ZNF385D: variants seen among roughly 807,000 people sequenced by gnomAD.
The protein encoded by ZNF385D is zinc finger protein 385D.
A neutral mutation model predicts 35.8 loss-of-function variants in ZNF385D; 15 were observed. The observed-to-expected ratio is 0.42, with a 90% CI of 0.28 to 0.64. ZNF385D has a LOEUF of 0.64. Among genes scored for constraint, ZNF385D ranks in the 30% least tolerant of loss-of-function variants. The pLI is 0.23. For missense variants in ZNF385D, 474 were observed against 494.6 expected, an observed-to-expected ratio of 0.96 and a Z score of 0.39; for synonymous variants, 212 against 186.8, an observed-to-expected ratio of 1.13 and a Z score of -1.10.
chr3:22,141,594 C>T (rs1480099497), intron 3 of ZNF385D, among the ~76,000 whole-genome samples: 1 of 152,096 alleles, frequency 6.6e-6, no homozygotes, highest in East Asian at 1.9e-4. Flanking sequence ...GTGGGACCCG[C>T]GGTAGTTCAC....
intron 3 of ZNF385D, among the ~76,000 whole-genome samples, chr3:21,907,014 C>G (rs988395799): frequency 6.6e-6 from 1 of 152,110 alleles, no homozygotes; most frequent in East Asian, 1.9e-4. Context: ...TGCATCTACC[C>G]AGGATCCATG....
chr3:21,793,924 ATC>A (rs2072034496), intron 3 of ZNF385D, among the ~76,000 whole-genome samples: 1 of 152,186 alleles, frequency 6.6e-6, no homozygotes, highest in Non-Finnish European at 1.5e-5. Context: ...GATGAACAGT[ATC>A]TATTTTTCTG....
At chr3:21,599,257 C>T (rs552413273) in intron 2 of ZNF385D, among the ~76,000 whole-genome samples, 2 of 152,196 alleles carry the variant, frequency 1.3e-5, no homozygotes, top group South Asian at 4.2e-4. Context: ...AAAAGGATTC[C>T]AGAAAGATCT....
Position 21,418,102 on chromosome 3 carries a change from C to T in ZNF385D, c.*3112G>A, listed in dbSNP as rs922926472. ...TTGTCTGGACGATCTGATTGAGGTG[C>T]AACAATGCTTTTTCCAGAGGCATTT... is the stretch of plus-strand genomic sequence containing the variant. On this transcript the variant is annotated 3_prime_UTR_variant, in exon 8 of 8. Transcript: ENST00000281523. 6.6e-6 allele frequency: 1 copy of T among 152,102 alleles called. No homozygotes were observed. The highest frequency in any genetic ancestry group is 1.5e-5 in the Non-Finnish European group (1 of 67,998). The allele number at this position is 152,102 out of a possible 1,614,324, so 9.4% of individuals were successfully genotyped here.
intron 3 of ZNF385D, among the ~76,000 whole-genome samples, chr3:21,880,003 A>T (rs1020844456): frequency 6.6e-6 from 1 of 151,956 alleles, no homozygotes; most frequent in Non-Finnish European, 1.5e-5. Context: ...TGGCATCATT[A>T]AAGCTAATAA....
At chr3:21,845,853 A>G (rs1219667446) in intron 3 of ZNF385D, among the ~76,000 whole-genome samples, 1 of 152,042 alleles carries the variant, frequency 6.6e-6, no homozygotes, top group African/African-American at 2.4e-5. Context: ...TTAAGAAAAT[A>G]CGCCTGAATA....
At chr3:22,260,034 T>C (rs991356875) in intron 2 of ZNF385D, among the ~76,000 whole-genome samples, 1 of 151,924 alleles carries the variant, frequency 6.6e-6, no homozygotes, top group Non-Finnish European at 1.5e-5. Flanking sequence ...AATATGCATA[T>C]AGTATACTAA....
At chr3:22,264,174 A>T (rs1700777160) in intron 2 of ZNF385D, among the ~76,000 whole-genome samples, 1 of 151,958 alleles carries the variant, frequency 6.6e-6, no homozygotes, top group Non-Finnish European at 1.5e-5. Flanking sequence ...ATCAATTTGG[A>T]CTAGGTCTTG....
At chr3:22,042,310 G>T (rs1354362075) in intron 3 of ZNF385D, among the ~76,000 whole-genome samples, 2 of 151,994 alleles carry the variant, frequency 1.3e-5, no homozygotes, top group Non-Finnish European at 2.9e-5. Flanking sequence ...AAGGAACTTA[G>T]ATTAGTGTAT....
chr3:21,720,869 T>A (rs1166048835), intron 1 of ZNF385D, among the ~76,000 whole-genome samples: 1 of 152,160 alleles, frequency 6.6e-6, no homozygotes. Context: ...TCAGAATGAT[T>A]TCCATATGGT....
At chr3:21,839,278 A>C in intron 3 of ZNF385D, among the ~76,000 whole-genome samples, 1 of 152,058 alleles carries the variant, frequency 6.6e-6, no homozygotes, top group Non-Finnish European at 1.5e-5. Flanking sequence ...CACATTTTAA[A>C]ATCTCATATT....
intron 3 of ZNF385D, among the ~76,000 whole-genome samples, chr3:22,167,985 G>C (rs1226042679): frequency 6.6e-6 from 1 of 151,834 alleles, no homozygotes; most frequent in African/African-American, 2.4e-5. Flanking sequence ...CTCATCATTT[G>C]GCCACCTTGA....
intron 3 of ZNF385D, among the ~76,000 whole-genome samples, chr3:22,050,696 A>C (rs1259780816): frequency 6.6e-6 from 1 of 152,198 alleles, no homozygotes; most frequent in Non-Finnish European, 1.5e-5. Context: ...GTTTTTAATG[A>C]GTTAATTTCT....
intron 3 of ZNF385D, among the ~76,000 whole-genome samples, chr3:22,035,514 T>G (rs1386160843): frequency 6.6e-6 from 1 of 152,142 alleles, no homozygotes; most frequent in African/African-American, 2.4e-5. Context: ...TAAAATTAGT[T>G]TTAAAATTGG....
At chr3:21,778,831 T>C (rs1196408097) in intron 3 of ZNF385D, among the ~76,000 whole-genome samples, 1 of 151,882 alleles carries the variant, frequency 6.6e-6, no homozygotes. Flanking sequence ...AGGAAAAATA[T>C]TGTGATGAAA....
chr3:21,696,413 A>G (rs6775498), intron 1 of ZNF385D, among the ~76,000 whole-genome samples: 38 of 152,162 alleles, frequency 2.5e-4, no homozygotes, highest in Middle Eastern at 3.4e-3. Context: ...CACAGAGAAA[A>G]CACACTACAA....
intron 3 of ZNF385D, among the ~76,000 whole-genome samples, chr3:21,949,538 C>CTTTTTT (rs1267430268): frequency 1.6e-5 from 2 of 125,978 alleles, no homozygotes; most frequent in South Asian, 5.6e-4. Flanking sequence ...ATTTTCTTTC[C>CTTTTTT]TTCTTTTCTT....
At chr3:21,771,470 T>C (rs1466526440) in intron 3 of ZNF385D, among the ~76,000 whole-genome samples, 1 of 151,868 alleles carries the variant, frequency 6.6e-6, no homozygotes, top group African/African-American at 2.4e-5. Flanking sequence ...AATAGAAATG[T>C]ATGGAACATT....
At chr3:21,569,858 T>C (rs1473685762) in intron 2 of ZNF385D, among the ~76,000 whole-genome samples, 9 of 130,054 alleles carry the variant, frequency 6.9e-5, no homozygotes. Context: ...AATTGAACAA[T>C]GAGAACACAT....
Sources: allele counts gnomAD v4.1 joint callset (sites outside exome capture counted in the v4.1 genomes callset), GRCh38; gene constraint gnomAD v4.1.1; transcripts MANE v1.5; gene names NCBI Gene and HGNC (gene_info 2026-07-23, HGNC 2026-07-21).